The following SNAPC4 variants were observed in gnomAD, a reference collection of about 807,000 sequenced individuals.
SNAPC4 encodes the protein snRNA-activating protein complex subunit 4.
Under a neutral mutation model 151.3 loss-of-function variants are expected in SNAPC4, and 127 were observed. The observed-to-expected ratio is 0.84, with a 90% CI of 0.73 to 0.97. The LOEUF is 0.97. SNAPC4 is among the 50% of genes least tolerant of loss of function. The pLI is 0.00. For synonymous variants in SNAPC4, 1,002 were observed against 824.4 expected (o/e 1.22, Z -3.69); for missense variants, 2,186 against 1,935.0 (o/e 1.13, Z -2.43).
At chr9:136,389,692 G>A (rs545801944) in intron 10 of SNAPC4, among the ~76,000 whole-genome samples, 1 of 152,212 alleles carries the variant, frequency 6.6e-6, no homozygotes, top group African/African-American at 2.4e-5. Context: ...AGTGGAAAGA[G>A]AGACCCTTCT....
rs138358923 is a variant in SNAPC4 at position 136,381,940 on chromosome 9, G to A, written c.2201C>T (p.Ala734Val). The A allele has an allele frequency of 6.3e-4, 1,012 of 1,612,682 alleles. No homozygotes were observed. Among genetic ancestry groups the A allele is most frequent in the Non-Finnish European group, 8.1e-4 (958 of 1,179,984 alleles). ...GCGGTTCAGGAGCCTCCGGTGCAGA[G>A]CGTGTCTCCAGCGCCGCTGCCCACT... ...TQSGQRRWRH[A>V]LHRRLLNRRL... Residue 734 changes from alanine to valine, a missense_variant, in exon 18 of 24, where the codon GCT becomes GTT. Physicochemically the swap from Ala to Val is moderately conservative, Grantham distance 64. Coordinates refer to ENST00000684778, the MANE Select transcript of SNAPC4 (RefSeq NM_003086.4).
chr9:136,399,009 G>A (rs1236919475), intron 1 of SNAPC4, among the ~76,000 whole-genome samples: 5 of 152,244 alleles, frequency 3.3e-5, no homozygotes, highest in Admixed American at 3.3e-4. Flanking sequence ...TGTACATCCA[G>A]AACAACGCCT....
In SNAPC4 at chr9:136,392,692, T is replaced by C. The variant is rs775540250; in HGVS notation, c.718A>G (p.Lys240Glu). Residue 240 changes from lysine to glutamate, a missense_variant, in exon 8 of 24, where the codon AAG (lysine) becomes GAG (glutamate). Physicochemically the swap from Lys to Glu is moderately conservative, Grantham distance 56. Coordinates refer to ENST00000684778, the MANE Select transcript of SNAPC4 (RefSeq NM_003086.4). ...CCTCACTTGATGTCCTGGATCTCCT[T>C]CTCGGCTTCCCTGCCCTGCTTCTCC... ...ALEKQGREAE[K>E]EIQDINQLPE... 7.4e-6 allele frequency: 12 copies of C among 1,613,768 alleles called. No individual in the cohort carries two copies. Among genetic ancestry groups the C allele is most frequent in the South Asian group, 2.2e-5 (2 of 91,086 alleles).
intron 6 of SNAPC4, 132 bp from the exon 7 acceptor site, chr9:136,394,462 G>A: frequency 1.3e-6 from 1 of 776,610 alleles, no homozygotes; most frequent in South Asian, 1.4e-5. Flanking sequence ...CAGACCTACT[G>A]ACGTGGCCCC....
At chr9:136,399,209 C>T (rs1048957120) in intron 1 of SNAPC4, among the ~76,000 whole-genome samples, 1 of 152,220 alleles carries the variant, frequency 6.6e-6, no homozygotes. Context: ...AGAGAAACGC[C>T]CTCCCCCGTC....
rs185773711 is a variant in SNAPC4 at position 136,395,100 on chromosome 9, G to A, written c.471+198C>T. Among the ~76,000 whole-genome samples the A allele has an allele frequency of 2.0e-4, 30 of 152,374 alleles. 1 individual carries two copies. The South Asian group carries it at 5.8e-3, about 29-fold the overall frequency. ...GCACCTCCACGAGGGCTTGCTCATC[G>A]CTTCACAGGGCAGTCCTGGCAGCCC... is the stretch of plus-strand genomic sequence containing the variant. On this transcript the variant is annotated intron_variant, in intron 5 of 23. Transcript: ENST00000684778.
intron 22 of SNAPC4, among the ~76,000 whole-genome samples, chr9:136,376,746 C>A (rs1833460845): frequency 6.6e-6 from 1 of 151,828 alleles, no homozygotes; most frequent in South Asian, 2.1e-4. Context: ...CCAGGCAGGG[C>A]AGGAGGCTGT....
chr9:136,376,851 T>C (rs1833464555), intron 22 of SNAPC4, among the ~76,000 whole-genome samples: 1 of 152,178 alleles, frequency 6.6e-6, no homozygotes, highest in East Asian at 1.9e-4. Context: ...GCCCAGGGAC[T>C]TGCGAGACAC....
At chr9:136,379,788 C>A in intron 21 of SNAPC4, 49 bp downstream of exon 21, 1 of 1,594,610 alleles carries the variant, frequency 6.3e-7, no homozygotes, top group Non-Finnish European at 8.6e-7. Context: ...TCTTCCCCGC[C>A]AGGGCCAGGT....
At chr9:136,377,514 G>C in intron 22 of SNAPC4, 29 bp downstream of exon 22, 2 of 1,499,880 alleles carry the variant, frequency 1.3e-6, no homozygotes, top group African/African-American at 1.4e-5. Flanking sequence ...CGCCTGCCAT[G>C]GGGAAGTGGG....
At chr9:136,396,918 C>G in intron 3 of SNAPC4, 59 bp downstream of exon 3, 1 of 1,423,340 alleles carries the variant, frequency 7.0e-7, no homozygotes, top group Non-Finnish European at 9.9e-7. Flanking sequence ...TCCCAGGCTA[C>G]TTTGGAAGGT....
chr9:136,378,635 T>C lies in SNAPC4; in HGVS notation c.3192A>G (p.Gly1064=). Reference sequence around the variant, plus strand: ...GGACACTGGTCGCCACATGTGGCCCTCCTATGTGCGTCAGGCTGAGGGGCT... The same window carrying C: ...GGACACTGGTCGCCACATGTGGCCCCCCTATGTGCGTCAGGCTGAGGGGCT... ...PVQPLSLTHI[G]GPHVATSVPL... The change falls in exon 22 of 24, where the codon GGA becomes GGG. Residue 1064 remains glycine (G), a synonymous_variant. Coordinates refer to ENST00000684778, the MANE Select transcript of SNAPC4 (RefSeq NM_003086.4). 1 of 1,546,920 alleles carries C rather than the reference T, an allele frequency of 6.5e-7. No homozygotes were observed. Among genetic ancestry groups the C allele is most frequent in the Non-Finnish European group, 8.7e-7 (1 of 1,149,830 alleles).
At chr9:136,384,631 A>G in intron 14 of SNAPC4, 89 bp downstream of exon 14, 2 of 690,118 alleles carry the variant, frequency 2.9e-6, no homozygotes, top group South Asian at 2.0e-5. Context: ...CCTGGACGAC[A>G]GAGCTTGCTC....
rs1310247463 is a variant in SNAPC4, at chr9:136,378,653, G to A, written c.3174C>T (p.Leu1058=). 3.9e-6 allele frequency: 6 copies of A among 1,527,260 alleles called. No individual in the cohort carries two copies. The highest frequency in any genetic ancestry group is 5.3e-6 in the Non-Finnish European group (6 of 1,139,054). 94.6% of individuals were successfully genotyped at this position (1,527,260 alleles called of 1,614,324 possible). The change falls in exon 22 of 24, where the codon CTC becomes CTT. Residue 1058 remains leucine, a synonymous_variant. Coordinates refer to ENST00000684778, the MANE Select transcript of SNAPC4 (RefSeq NM_003086.4). ...PSPTPLPVQP[L]SLTHIGGPHV... ...GTGGCCCTCCTATGTGCGTCAGGCT[G>A]AGGGGCTGGACGGGCAGTGGGGTGG...
intron 23 of SNAPC4, among the ~76,000 whole-genome samples, chr9:136,376,086 G>A (rs1588731851): frequency 6.6e-6 from 1 of 152,200 alleles, no homozygotes; most frequent in Non-Finnish European, 1.5e-5. Flanking sequence ...GGCCAGGGAG[G>A]AGCCCAGACC....
Position 136,383,127 on chromosome 9 carries a change from C to T in SNAPC4, c.1983+59G>A. On this transcript the variant is annotated intron_variant, in intron 16 of 23. Coordinates refer to ENST00000684778, the MANE Select transcript of SNAPC4 (RefSeq NM_003086.4). The surrounding 1 kb of genome is among the most constrained non-coding windows in gnomAD (Gnocchi z 4.2). Reference sequence around the variant, plus strand: ...CTGCTGCACTATCCCCAAGCGTCAGCCCTGGCGAGCGAGTGCCGAAAGTGC... The same window carrying T: ...CTGCTGCACTATCCCCAAGCGTCAGTCCTGGCGAGCGAGTGCCGAAAGTGC... 6.7e-7 allele frequency: 1 copy of T among 1,503,166 alleles called. No individual in the cohort carries two copies. Among genetic ancestry groups the T allele is most frequent in the Non-Finnish European group, 8.9e-7 (1 of 1,129,068 alleles). 93.1% of individuals were successfully genotyped at this position (1,503,166 alleles called of 1,614,324 possible). A position where few individuals can be genotyped will look rare whatever the true frequency, so the allele number is the denominator to read the frequency against.
In SNAPC4 at chr9:136,383,996, C is replaced by T. The variant is rs755891745; in HGVS notation, c.1457G>A (p.Arg486Gln). The change falls in exon 15 of 24, where the codon CGG becomes CAG. Residue 486 changes from arginine to glutamine, a missense_variant. By Grantham distance (43) the Arg-to-Gln change is conservative. Coordinates refer to ENST00000684778, the MANE Select transcript of SNAPC4 (RefSeq NM_003086.4). The surrounding 1 kb of genome is among the most constrained non-coding windows in gnomAD (Gnocchi z 4.2). Reference sequence around the variant, plus strand: ...CTTGCTCAGACACTGGGAGCCAGACCGATGGGGCAGCTCAGAAGCTATTTT... The same window carrying T: ...CTTGCTCAGACACTGGGAGCCAGACTGATGGGGCAGCTCAGAAGCTATTTT... Reference protein sequence around the residue: ...WAKIASELPHRSGSQCLSKWK... With the variant: ...WAKIASELPHQSGSQCLSKWK... The T allele has an allele frequency of 1.2e-6, 2 of 1,613,710 alleles. No individual in the cohort carries two copies. Among genetic ancestry groups the T allele is most frequent in the African/African-American group, 1.3e-5 (1 of 74,896 alleles).
chr9:136,384,315 G>GC (rs1833816529), intron 14 of SNAPC4, among the ~76,000 whole-genome samples: 1 of 152,092 alleles, frequency 6.6e-6, no homozygotes. Flanking sequence ...CCAGGCTTCC[G>GC]CACCAGCCAC....
chr9:136,388,333 T>A, intron 11 of SNAPC4, 111 bp downstream of exon 11: 1 of 1,096,922 alleles, frequency 9.1e-7, no homozygotes, highest in Non-Finnish European at 1.3e-6. Context: ...CAGGACTGTC[T>A]AAGCCCTCGT....
Sources: gnomAD v4.1 joint callset for allele counts (sites outside exome capture counted in the v4.1 genomes callset) on GRCh38, gnomAD v4.1.1 for gene constraint, Gnocchi (gnomAD v3.1) non-coding constraint, MANE v1.5 for transcripts, NCBI Gene and HGNC (gene_info 2026-07-23, HGNC 2026-07-21) for gene names.